TSPAN14: variants seen among roughly 807,000 people sequenced by gnomAD.
TSPAN14 encodes the protein tetraspanin-14.
In TSPAN14, 16 loss-of-function variants were observed where a neutral mutation model predicts 36.6. That is an observed-to-expected ratio of 0.44 (90% CI 0.30 to 0.66). The LOEUF (loss-of-function observed/expected upper bound fraction) is 0.66, where lower values mean the gene tolerates loss of function less well. Ranked by LOEUF, TSPAN14 falls within the 30% of genes least tolerant of loss-of-function variation. The pLI is 0.12. For synonymous variants in TSPAN14, 139 were observed against 143.8 expected (o/e 0.97, Z 0.24); for missense variants, 231 against 355.1 (o/e 0.65, Z 2.81).
At chr10:80,506,110 T>C (rs1287109495) in intron 3 of TSPAN14, among the ~76,000 whole-genome samples, 1 of 152,214 alleles carries the variant, frequency 6.6e-6, no homozygotes, top group African/African-American at 2.4e-5. Context: ...TAGCTGGGAT[T>C]ACAGGCATGT....
intron 2 of TSPAN14, among the ~76,000 whole-genome samples, chr10:80,490,873 A>G (rs1196894845): frequency 6.6e-6 from 1 of 152,198 alleles, no homozygotes; most frequent in Admixed American, 6.5e-5. Flanking sequence ...GGACATGATC[A>G]TGCACAGAGT....
chr10:80,476,170 G>A (rs770234565), intron 1 of TSPAN14, among the ~76,000 whole-genome samples: 4 of 152,036 alleles, frequency 2.6e-5, no homozygotes, highest in African/African-American at 4.8e-5. Flanking sequence ...CCAGGAGTTC[G>A]AGTCCAGCCT....
At chr10:80,454,648 C>T (rs1174551413) in intron 1 of TSPAN14, among the ~76,000 whole-genome samples, 1 of 152,092 alleles carries the variant, frequency 6.6e-6, no homozygotes, top group South Asian at 2.1e-4. Context: ...CCGGGGCCGG[C>T]ACTCCTGGTT....
At chr10:80,500,253 C>T (rs1246540833) in intron 2 of TSPAN14, among the ~76,000 whole-genome samples, 7 of 149,224 alleles carry the variant, frequency 4.7e-5, no homozygotes, top group Middle Eastern at 3.2e-3. Context: ...CCTGTCTTTC[C>T]GGTGTGAGTT....
chr10:80,483,696 G>A (rs1847417966), intron 1 of TSPAN14, among the ~76,000 whole-genome samples: 1 of 151,876 alleles, frequency 6.6e-6, no homozygotes, highest in Admixed American at 6.6e-5. Context: ...ATCACCCAAG[G>A]TCAGTAGTTC....
exon 9 of TSPAN14, chr10:80,518,042 C>T (rs1841039749): frequency 1.3e-6 from 2 of 1,510,202 alleles, no homozygotes; most frequent in Admixed American, 2.0e-5. Flanking sequence ...TGCCATCAGC[C>T]CTACGTCCAG....
intron 2 of TSPAN14, among the ~76,000 whole-genome samples, chr10:80,503,148 G>GT (rs1848617685): frequency 6.6e-6 from 1 of 152,104 alleles, no homozygotes; most frequent in Admixed American, 6.5e-5. Context: ...GATTCGGCAG[G>GT]TGGTGACCAG....
chr10:80,501,128 T>C (rs905140452), intron 2 of TSPAN14, among the ~76,000 whole-genome samples: 17 of 151,840 alleles, frequency 1.1e-4, no homozygotes, highest in East Asian at 1.9e-4. Context: ...TTCTTTTTTT[T>C]TGGGAGACCT....
chr10:80,489,153 CT>C, intron 1 of TSPAN14, 63 bp from the exon 2 acceptor site: 1 of 1,088,734 alleles, frequency 9.2e-7, no homozygotes, highest in Non-Finnish European at 1.4e-6. Flanking sequence ...CGCATATGAG[CT>C]GGTTTGGGGG....
intron 1 of TSPAN14, 152 bp from the exon 2 acceptor site, chr10:80,489,064 TA>T (rs1847781758): frequency 1.7e-6 from 1 of 583,140 alleles, no homozygotes; most frequent in South Asian, 2.0e-5. Flanking sequence ...TTGCATTACC[TA>T]TACCTGGCCT....
chr10:80,489,829 G>C (rs972149134), intron 2 of TSPAN14, among the ~76,000 whole-genome samples: 4 of 152,212 alleles, frequency 2.6e-5, no homozygotes, highest in African/African-American at 9.6e-5. Flanking sequence ...GGCATTCTGT[G>C]GAGGTGACTT....
intron 5 of TSPAN14, among the ~76,000 whole-genome samples, chr10:80,510,585 A>G (rs1840560880): frequency 6.6e-6 from 1 of 152,216 alleles, no homozygotes; most frequent in Non-Finnish European, 1.5e-5. Context: ...TTTAAAAATA[A>G]AACTTCTGGC....
intron 8 of TSPAN14, 95 bp from the exon 9 acceptor site, chr10:80,517,810 G>A: frequency 8.4e-7 from 1 of 1,184,542 alleles, no homozygotes; most frequent in Non-Finnish European, 1.2e-6. Context: ...GTGAGGAGAG[G>A]CGTGCAGTGG....
At chr10:80,486,176 A>C (rs1847585911) in intron 1 of TSPAN14, among the ~76,000 whole-genome samples, 1 of 152,240 alleles carries the variant, frequency 6.6e-6, no homozygotes, top group Non-Finnish European at 1.5e-5. Flanking sequence ...CTGGTTGGTC[A>C]TGCGTGTTGG....
chr10:80,456,977 G>C (rs758368813), intron 1 of TSPAN14, among the ~76,000 whole-genome samples: 2 of 152,096 alleles, frequency 1.3e-5, no homozygotes, highest in Non-Finnish European at 2.9e-5. Flanking sequence ...CAGGAGAATT[G>C]CTTCAATCTG....
chr10:80,454,811 T>G (rs1320745635), intron 1 of TSPAN14, among the ~76,000 whole-genome samples: 1 of 152,018 alleles, frequency 6.6e-6, no homozygotes. Context: ...TTCGGCTCAG[T>G]CACCCACCCT....
intron 1 of TSPAN14, 100 bp from the exon 2 acceptor site, chr10:80,489,117 G>A (rs1398537285): frequency 4.1e-5 from 31 of 755,648 alleles, no homozygotes; most frequent in Middle Eastern, 2.6e-4. Flanking sequence ...GGTCATGAGG[G>A]AAATGATCGG....
chr10:80,497,072 A>G (rs1848236632), intron 2 of TSPAN14, among the ~76,000 whole-genome samples: 1 of 152,118 alleles, frequency 6.6e-6, no homozygotes, highest in African/African-American at 2.4e-5. Flanking sequence ...TGTGTCTGAC[A>G]TCTTTCATTT....
chr10:80,475,170 C>G (rs115830718), intron 1 of TSPAN14, among the ~76,000 whole-genome samples: 8 of 152,150 alleles, frequency 5.3e-5, no homozygotes, highest in African/African-American at 1.9e-4. Flanking sequence ...TAATCTGGAT[C>G]CAAGGCTCAC....
Sources: gnomAD v4.1 joint callset for allele counts (sites outside exome capture counted in the v4.1 genomes callset) on GRCh38, gnomAD v4.1.1 for gene constraint, MANE v1.5 for transcripts, NCBI Gene and HGNC (gene_info 2026-07-23, HGNC 2026-07-21) for gene names.